DLGAP2: variants seen among roughly 807,000 people sequenced by gnomAD.
DLGAP2 encodes the protein DLG associated protein 2.
In DLGAP2, 26 loss-of-function variants were observed where a neutral mutation model predicts 100.3. The observed-to-expected ratio is 0.26, with a 90% confidence interval of 0.19 to 0.36. The LOEUF (loss-of-function observed/expected upper bound fraction) is 0.36. Ranked by LOEUF, DLGAP2 falls within the 10% of genes least tolerant of loss-of-function variation. The pLI is 1.00. For missense variants in DLGAP2, 1,858 were observed against 1,453.2 expected (o/e 1.28, Z -4.53); for synonymous variants, 886 against 630.1 (o/e 1.41, Z -6.08).
intron 1 of DLGAP2, among the ~76,000 whole-genome samples, chr8:798,480 C>T (rs1382801242): frequency 6.8e-6 from 1 of 146,296 alleles, no homozygotes; most frequent in Non-Finnish European, 1.5e-5. Context: ...TGATGGGTGC[C>T]TGCTTCCGTT....
At chr8:998,719 T>G (rs1275377152) in intron 2 of DLGAP2, among the ~76,000 whole-genome samples, 1 of 152,222 alleles carries the variant, frequency 6.6e-6, no homozygotes, top group Admixed American at 6.5e-5. Context: ...GCCTGCCCTT[T>G]GCTCTTATAA....
At chr8:1,196,289 C>T (rs957473092) in intron 2 of DLGAP2, among the ~76,000 whole-genome samples, 1 of 152,192 alleles carries the variant, frequency 6.6e-6, no homozygotes, top group East Asian at 1.9e-4. Flanking sequence ...GCATTTGTGT[C>T]CACACACTGC....
intron 1 of DLGAP2, among the ~76,000 whole-genome samples, chr8:907,124 C>G (rs1294397859): frequency 1.3e-5 from 2 of 152,152 alleles, no homozygotes; most frequent in East Asian, 3.9e-4. Context: ...CACCCTCTCT[C>G]CTGGGTAAAT....
chr8:1,482,776 C>T (rs774493722), intron 3 of DLGAP2, among the ~76,000 whole-genome samples: 6 of 152,250 alleles, frequency 3.9e-5, no homozygotes, highest in Non-Finnish European at 8.8e-5. Flanking sequence ...GTAGGAGCTG[C>T]AGGCAGCCGT....
rs898003948 is a variant in DLGAP2 at position 1,215,249 on chromosome 8, G to A, written c.74-43602G>A. ...GATAAAGAATTTGTGAGTAGGAGAA[G>A]AGAAAGTCAAATTAAAATAATGTGT... On this transcript the variant is annotated intron_variant, in intron 2 of 14. Transcript: ENST00000637795. 1.5e-4 allele frequency among the ~76,000 whole-genome samples: 23 copies of A among 152,364 alleles called. No individual in the cohort carries two copies. In the South Asian group the frequency reaches 2.1e-3, roughly 14 times the overall value.
intron 1 of DLGAP2, among the ~76,000 whole-genome samples, chr8:897,004 T>A (rs1447970699): frequency 1.3e-5 from 2 of 152,192 alleles, no homozygotes; most frequent in African/African-American, 4.8e-5. Flanking sequence ...TTTGAATGAC[T>A]GTTCTTGCCT....
intron 3 of DLGAP2, among the ~76,000 whole-genome samples, chr8:1,327,133 C>T (rs552005798): frequency 6.6e-6 from 1 of 152,256 alleles, no homozygotes; most frequent in Non-Finnish European, 1.5e-5. Flanking sequence ...TTCCATCCTC[C>T]TGACACTGAG....
chr8:1,045,028 A>G (rs574157714), intron 2 of DLGAP2, among the ~76,000 whole-genome samples: 3 of 152,324 alleles, frequency 2.0e-5, no homozygotes, highest in East Asian at 1.9e-4. Flanking sequence ...AGCACACATG[A>G]TAAGTGAGCA....
intron 3 of DLGAP2, among the ~76,000 whole-genome samples, chr8:1,410,824 C>T (rs1796709142): frequency 6.8e-6 from 1 of 146,834 alleles, no homozygotes; most frequent in Non-Finnish European, 1.5e-5. Context: ...TTGCTTCACT[C>T]TGGAGCCATT....
intron 6 of DLGAP2, among the ~76,000 whole-genome samples, chr8:1,615,231 A>T (rs1265318389): frequency 1.3e-5 from 2 of 152,132 alleles, no homozygotes; most frequent in African/African-American, 2.4e-5. Flanking sequence ...GAACCCCACC[A>T]AGTGCACAGG....
At chr8:1,422,919 C>T (rs1797139425) in intron 3 of DLGAP2, among the ~76,000 whole-genome samples, 1 of 152,166 alleles carries the variant, frequency 6.6e-6, no homozygotes, top group Non-Finnish European at 1.5e-5. Context: ...TTCCTCACTT[C>T]ACCCTAGGCC....
At chr8:1,378,995 C>T (rs144999440) in intron 3 of DLGAP2, among the ~76,000 whole-genome samples, 1 of 152,370 alleles carries the variant, frequency 6.6e-6, no homozygotes, top group African/African-American at 2.4e-5. Flanking sequence ...CATGTGTCCC[C>T]TTGGGCTGAC....
intron 3 of DLGAP2, among the ~76,000 whole-genome samples, chr8:1,469,049 C>T (rs1798708746): frequency 6.6e-6 from 1 of 152,154 alleles, no homozygotes; most frequent in African/African-American, 2.4e-5. Context: ...GTCAACACAT[C>T]CTTCTAGGGG....
chr8:1,234,043 C>T (rs1384208145), intron 2 of DLGAP2, among the ~76,000 whole-genome samples: 1 of 152,098 alleles, frequency 6.6e-6, no homozygotes, highest in Admixed American at 6.5e-5. Flanking sequence ...ATTGAAAGGC[C>T]CAGGTGAATA....
intron 6 of DLGAP2, among the ~76,000 whole-genome samples, chr8:1,598,705 G>C (rs1796533483): frequency 6.6e-6 from 1 of 152,050 alleles, no homozygotes; most frequent in Non-Finnish European, 1.5e-5. Context: ...GGGATCAGTG[G>C]TGATCTCCCC....
chr8:1,554,672 C>T (rs73544390), intron 5 of DLGAP2, among the ~76,000 whole-genome samples: 8,544 of 152,184 alleles, frequency 0.056, 268 homozygotes, highest in South Asian at 0.11. Flanking sequence ...TATCCTGCAG[C>T]GTTCCAGAGG....
At chr8:1,226,100 C>A (rs1238788719) in intron 2 of DLGAP2, among the ~76,000 whole-genome samples, 1 of 152,012 alleles carries the variant, frequency 6.6e-6, no homozygotes, top group African/African-American at 2.4e-5. Flanking sequence ...TTATAAAGAA[C>A]TTATATAATT....
chr8:1,577,266 T>C (rs1803017950), intron 6 of DLGAP2, among the ~76,000 whole-genome samples: 2 of 152,200 alleles, frequency 1.3e-5, no homozygotes, highest in African/African-American at 4.8e-5. Flanking sequence ...TTTGTCAATA[T>C]ACGATAAAAA....
At chr8:1,019,724 C>G (rs1801575404) in intron 2 of DLGAP2, 1 of 152,202 alleles carries the variant, frequency 6.6e-6, no homozygotes, top group Non-Finnish European at 1.5e-5. Flanking sequence ...CTATCAGACT[C>G]TGATTCTTTC....
Sources: allele counts gnomAD v4.1 joint callset (sites outside exome capture counted in the v4.1 genomes callset), GRCh38; gene constraint gnomAD v4.1.1; transcripts MANE v1.5; gene names NCBI Gene and HGNC (gene_info 2026-07-23, HGNC 2026-07-21).